The following SEM1 variants were observed in gnomAD, a reference collection of about 807,000 sequenced individuals.
SEM1 encodes the protein 26S proteasome complex subunit SEM1.
Under a neutral mutation model 12.7 loss-of-function variants are expected in SEM1, and 3 were observed. That is an observed-to-expected ratio of 0.24 (90% CI 0.11 to 0.61). The LOEUF is 0.61. Ranked by LOEUF, SEM1 falls within the 20% of genes least tolerant of loss-of-function variation. The probability of loss-of-function intolerance (pLI) is 0.88; values close to 1 mark genes in which losing one functional copy is unlikely to be tolerated. For missense variants in SEM1, 59 were observed against 81.3 expected, an observed-to-expected ratio of 0.73 and a Z score of 1.06; for synonymous variants, 30 against 27.8, an observed-to-expected ratio of 1.08 and a Z score of -0.25.
intron 2 of SEM1, among the ~76,000 whole-genome samples, chr7:96,521,537 A>G (rs1463539475): frequency 6.6e-6 from 1 of 152,120 alleles, no homozygotes; most frequent in Non-Finnish European, 1.5e-5. Flanking sequence ...CAAGTTCACG[A>G]CTAATAAGAC....
At chr7:96,568,520 G>A (rs1218584706) in intron 2 of SEM1, among the ~76,000 whole-genome samples, 1 of 151,238 alleles carries the variant, frequency 6.6e-6, no homozygotes. Flanking sequence ...TATTTTATTG[G>A]TGATGACAAT....
exon 2 of SEM1, chr7:96,486,416 T>C: frequency 2.6e-6 from 4 of 1,536,674 alleles, no homozygotes; most frequent in Non-Finnish European, 3.5e-6. Flanking sequence ...AATGTTGGAG[T>C]CCTATAAGGG....
Position 96,571,610 on chromosome 7 carries a change from A to G in SEM1, c.171-64912T>C, listed in dbSNP as rs140849320. On this transcript the variant is annotated intron_variant and NMD_transcript_variant, in intron 2 of 3. Transcript: ENST00000466986. ...CGCACATATATACATATATATATAC[A>G]TACATATGTATGTATGCATCTCAGG... is the stretch of plus-strand genomic sequence containing the variant. Among the ~76,000 whole-genome samples, 8 of 151,796 alleles carry G rather than the reference A, an allele frequency of 5.3e-5. No homozygotes were observed. In the East Asian group the frequency reaches 1.4e-3, roughly 26 times the overall value.
At chr7:96,514,026 A>T (rs1250714190) in intron 2 of SEM1, among the ~76,000 whole-genome samples, 2 of 152,094 alleles carry the variant, frequency 1.3e-5, no homozygotes, top group South Asian at 4.1e-4. Context: ...TATTTTATAG[A>T]TTTATCAGAT....
At chr7:96,624,689 A>C (rs1018264786) in intron 2 of SEM1, among the ~76,000 whole-genome samples, 58 of 152,124 alleles carry the variant, frequency 3.8e-4, no homozygotes, top group African/African-American at 1.3e-3. Flanking sequence ...ACATTCCACT[A>C]TTAGCTAGGA....
At chr7:96,583,086 C>T (rs1438954935) in intron 2 of SEM1, among the ~76,000 whole-genome samples, 9 of 151,940 alleles carry the variant, frequency 5.9e-5, no homozygotes, top group Non-Finnish European at 1.2e-4. Flanking sequence ...TTGGATCTTT[C>T]CTGCTTTCTC....
intron 1 of SEM1, chr7:96,695,709 A>G (rs1008317978): frequency 2.0e-5 from 3 of 151,932 alleles, no homozygotes; most frequent in African/African-American, 7.2e-5. Context: ...AGGGGGTGAC[A>G]TAACTCAAAA....
intron 2 of SEM1, among the ~76,000 whole-genome samples, chr7:96,512,043 C>T (rs1803950096): frequency 1.3e-5 from 2 of 152,200 alleles, no homozygotes; most frequent in South Asian, 4.2e-4. Context: ...ATTAGCCAGA[C>T]TTTAAAGTCT....
chr7:96,627,033 A>G (rs1157209724), intron 2 of SEM1, among the ~76,000 whole-genome samples: 1 of 152,004 alleles, frequency 6.6e-6, no homozygotes, highest in African/African-American at 2.4e-5. Context: ...TGCATCTAGG[A>G]ATTTAACCAT....
rs532007998 is a variant in SEM1 at position 96,534,912 on chromosome 7, T to G, written c.171-28214A>C. 2.2e-3 allele frequency among the ~76,000 whole-genome samples: 338 copies of G among 152,116 alleles called. 1 individual carries two copies. The highest frequency in any genetic ancestry group is 7.8e-3 in the African/African-American group (325 of 41,540). Reference sequence around the variant, plus strand: ...AAAAATTCTTTTTAACATTTCTGTTTTAATTTCTAATATAATAGATACCAA... The same window carrying G: ...AAAAATTCTTTTTAACATTTCTGTTGTAATTTCTAATATAATAGATACCAA... On this transcript the variant is annotated intron_variant and NMD_transcript_variant, in intron 2 of 3. Transcript: ENST00000466986.
chr7:96,675,889 A>C (rs1419648962), intron 2 of SEM1, among the ~76,000 whole-genome samples: 1 of 152,210 alleles, frequency 6.6e-6, no homozygotes, highest in Non-Finnish European at 1.5e-5. Context: ...TCCTAGCTTC[A>C]GTTACTTTCT....
chr7:96,484,031 G>C (rs1372232367), intron 3 of SEM1: 1 of 1,445,446 alleles, frequency 6.9e-7, no homozygotes, highest in Non-Finnish European at 9.1e-7. Flanking sequence ...GGAATCATTT[G>C]ATTACACTTC....
intron 2 of SEM1, among the ~76,000 whole-genome samples, chr7:96,510,403 AC>A (rs1339850380): frequency 6.6e-6 from 1 of 152,172 alleles, no homozygotes; most frequent in East Asian, 1.9e-4. Flanking sequence ...ACAGCATGTT[AC>A]TATACCAAAC....
chr7:96,587,549 C>G (rs541124476), intron 2 of SEM1, among the ~76,000 whole-genome samples: 5 of 152,256 alleles, frequency 3.3e-5, no homozygotes, highest in African/African-American at 1.2e-4. Flanking sequence ...GAGTGTGTGC[C>G]TTGCTTCCGG....
intron 2 of SEM1, among the ~76,000 whole-genome samples, chr7:96,511,748 A>C (rs964470601): frequency 6.6e-6 from 1 of 152,094 alleles, no homozygotes; most frequent in Non-Finnish European, 1.5e-5. Flanking sequence ...AAGTGCATAA[A>C]ATGGACATTA....
chr7:96,692,589 T>G (rs1789961647), intron 2 of SEM1, among the ~76,000 whole-genome samples: 1 of 152,096 alleles, frequency 6.6e-6, no homozygotes, highest in African/African-American at 2.4e-5. Flanking sequence ...AGAAAGGGCA[T>G]GAGCTTGTAC....
At position 96,554,806 on chromosome 7, in the gene SEM1, G is replaced by A. The variant is rs1008504788; in HGVS notation, c.171-48108C>T. 9.2e-5 allele frequency among the ~76,000 whole-genome samples: 14 copies of A among 151,466 alleles called. 1 individual carries two copies. The highest frequency in any genetic ancestry group is 3.4e-4 in the African/African-American group (14 of 41,174). ...CTCCTTGTACCTCTGGTAGAATTCG[G>A]CTGTGAATCTATCTGGTCCTAGACT... On this transcript the variant is annotated intron_variant and NMD_transcript_variant, in intron 2 of 3. Transcript: ENST00000466986.
chr7:96,610,847 A>G (rs1807518933), intron 2 of SEM1, among the ~76,000 whole-genome samples: 1 of 152,180 alleles, frequency 6.6e-6, no homozygotes, highest in African/African-American at 2.4e-5. Context: ...AGGACATATC[A>G]TCCTGAAATA....
chr7:96,637,768 C>T (rs1297141520), intron 2 of SEM1, among the ~76,000 whole-genome samples: 2 of 151,988 alleles, frequency 1.3e-5, no homozygotes, highest in African/African-American at 4.8e-5. Context: ...CTGTTTGAAC[C>T]AAGCACTCCC....
Sources: allele counts gnomAD v4.1 joint callset (sites outside exome capture counted in the v4.1 genomes callset), GRCh38; gene constraint gnomAD v4.1.1; transcripts MANE v1.5; gene names NCBI Gene and HGNC (gene_info 2026-07-23, HGNC 2026-07-21).